SLC24A3: variants seen among roughly 807,000 people sequenced by gnomAD.
The protein encoded by SLC24A3 is sodium/potassium/calcium exchanger 3.
In SLC24A3, 28 loss-of-function variants were observed where a neutral mutation model predicts 75.8. That is an observed-to-expected ratio of 0.37 (90% CI 0.27 to 0.51). The LOEUF (loss-of-function observed/expected upper bound fraction) is 0.51, where lower values mean the gene tolerates loss of function less well. Ranked by LOEUF, SLC24A3 falls within the 20% of genes least tolerant of loss-of-function variation. SLC24A3 has a pLI of 0.94. For synonymous variants in SLC24A3, 372 were observed against 334.1 expected (o/e 1.11, Z -1.24); for missense variants, 663 against 847.8 (o/e 0.78, Z 2.71).
chr20:19,366,629 A>G (rs1478739494), intron 2 of SLC24A3, among the ~76,000 whole-genome samples: 1 of 152,126 alleles, frequency 6.6e-6, no homozygotes, highest in Admixed American at 6.5e-5. Flanking sequence ...ATCTCCCTTC[A>G]TGGGACCCTT....
intron 2 of SLC24A3, among the ~76,000 whole-genome samples, chr20:19,395,165 G>A (rs1012662290): frequency 1.3e-5 from 2 of 152,184 alleles, no homozygotes; most frequent in Admixed American, 1.3e-4. Context: ...GAAGTTGGAT[G>A]GTGGTTGCCA....
intron 3 of SLC24A3, among the ~76,000 whole-genome samples, chr20:19,522,673 A>G (rs905302638): frequency 2.0e-5 from 3 of 152,200 alleles, no homozygotes; most frequent in African/African-American, 7.2e-5. Context: ...AGCCCAATCC[A>G]TTCAGACGGA....
At chr20:19,307,674 A>G (rs1984363720) in intron 2 of SLC24A3, among the ~76,000 whole-genome samples, 1 of 152,154 alleles carries the variant, frequency 6.6e-6, no homozygotes, top group African/African-American at 2.4e-5. Flanking sequence ...AACCTAGATG[A>G]TGGGTTGATG....
chr20:19,331,267 T>C (rs2122292847), intron 2 of SLC24A3, among the ~76,000 whole-genome samples: 1 of 152,278 alleles, frequency 6.6e-6, no homozygotes. Flanking sequence ...TCCTGGGAAA[T>C]AAGCATTGAA....
chr20:19,333,547 A>T lies in SLC24A3; in HGVS notation c.271+52460A>T, dbSNP rs973433270. Among the ~76,000 whole-genome samples the T allele has an allele frequency of 8.5e-5, 13 of 152,138 alleles. 1 individual carries two copies. Among genetic ancestry groups the T allele is most frequent in the African/African-American group, 2.7e-4 (11 of 41,424 alleles). ...GAACTAGGGAGAAACGAAATTTTTT[A>T]AAAGAATACATTTTTGTGTGGGAAT... is the stretch of plus-strand genomic sequence containing the variant. On this transcript the variant is annotated intron_variant, in intron 2 of 16. Transcript: ENST00000328041.
chr20:19,323,505 G>C (rs1028000855), intron 2 of SLC24A3, among the ~76,000 whole-genome samples: 6 of 152,156 alleles, frequency 3.9e-5, no homozygotes, highest in African/African-American at 4.8e-5. Flanking sequence ...GGTACCTCAA[G>C]AACCAATGGA....
chr20:19,532,167 A>G (rs974932970), intron 3 of SLC24A3, among the ~76,000 whole-genome samples: 2 of 152,174 alleles, frequency 1.3e-5, no homozygotes, highest in Non-Finnish European at 2.9e-5. Flanking sequence ...TAGACGACGG[A>G]TCTAAGAACA....
intron 2 of SLC24A3, among the ~76,000 whole-genome samples, chr20:19,290,587 T>C (rs1983918031): frequency 6.6e-6 from 1 of 152,184 alleles, no homozygotes; most frequent in African/African-American, 2.4e-5. Context: ...GCTGGCATCT[T>C]GATCTTGGAC....
chr20:19,329,926 G>T (rs1377003205), intron 2 of SLC24A3, among the ~76,000 whole-genome samples: 2 of 152,176 alleles, frequency 1.3e-5, no homozygotes, highest in African/African-American at 4.8e-5. Context: ...GTGAAATTTT[G>T]CTTGTTCCAG....
intron 2 of SLC24A3, among the ~76,000 whole-genome samples, chr20:19,393,815 C>T (rs1446069308): frequency 2.6e-5 from 4 of 152,036 alleles, no homozygotes; most frequent in Admixed American, 2.0e-4. Flanking sequence ...TAATATAATA[C>T]CCATCAAAAT....
intron 2 of SLC24A3, among the ~76,000 whole-genome samples, chr20:19,348,449 C>A (rs1348490073): frequency 1.3e-5 from 2 of 152,174 alleles, no homozygotes; most frequent in Admixed American, 6.5e-5. Context: ...GCATTTCCAT[C>A]ATCACAGAAA....
chr20:19,279,744 T>C (rs1983602419), intron 1 of SLC24A3, among the ~76,000 whole-genome samples: 2 of 152,172 alleles, frequency 1.3e-5, no homozygotes, highest in African/African-American at 4.8e-5. Context: ...GGCTCTACTT[T>C]TCTGCCCGAG....
chr20:19,574,273 A>C (rs546278533), intron 3 of SLC24A3, among the ~76,000 whole-genome samples: 1 of 152,324 alleles, frequency 6.6e-6, no homozygotes, highest in Admixed American at 6.5e-5. Context: ...GAATGTTTCA[A>C]GTCTGCTTCT....
At chr20:19,490,954 G>T (rs898811334) in intron 2 of SLC24A3, among the ~76,000 whole-genome samples, 4 of 152,138 alleles carry the variant, frequency 2.6e-5, no homozygotes, top group Admixed American at 2.6e-4. Context: ...ATCTCTCATT[G>T]CTTCTCTGTT....
At chr20:19,278,882 T>G (rs1214426031) in intron 1 of SLC24A3, among the ~76,000 whole-genome samples, 1 of 152,250 alleles carries the variant, frequency 6.6e-6, no homozygotes, top group East Asian at 1.9e-4. Context: ...AAGACCTCAG[T>G]TCATGAGCTA....
At chr20:19,534,752 G>T (rs2030366525) in intron 3 of SLC24A3, among the ~76,000 whole-genome samples, 2 of 152,166 alleles carry the variant, frequency 1.3e-5, no homozygotes, top group Non-Finnish European at 2.9e-5. Context: ...AGAGACCCCT[G>T]ACTGCTTTAG....
At chr20:19,531,727 A>G (rs939630690) in intron 3 of SLC24A3, among the ~76,000 whole-genome samples, 3 of 152,190 alleles carry the variant, frequency 2.0e-5, no homozygotes, top group South Asian at 2.1e-4. Context: ...TAAATAATAC[A>G]TGGCCACTGC....
At chr20:19,648,963 C>A (rs11698840) in intron 6 of SLC24A3, among the ~76,000 whole-genome samples, 3 of 152,190 alleles carry the variant, frequency 2.0e-5, no homozygotes, top group African/African-American at 7.2e-5. Context: ...CTTCTGTAAT[C>A]TGCACCATCT....
intron 16 of SLC24A3, among the ~76,000 whole-genome samples, chr20:19,719,167 C>G (rs547510875): frequency 1.3e-5 from 2 of 151,932 alleles, no homozygotes; most frequent in African/African-American, 4.8e-5. Flanking sequence ...ACCATTGGTG[C>G]TAATGAGAGG....
Sources: gnomAD v4.1 joint callset for allele counts (sites outside exome capture counted in the v4.1 genomes callset) on GRCh38, gnomAD v4.1.1 for gene constraint, MANE v1.5 for transcripts, NCBI Gene and HGNC (gene_info 2026-07-23, HGNC 2026-07-21) for gene names.